QTGAL: variants seen among roughly 807,000 people sequenced by gnomAD.
QTGAL encodes queuosine-tRNA galactosyltransferase.
chr17:83,050,020 A>G, the QTGAL span, among the ~76,000 whole-genome samples: 1 of 152,210 alleles, frequency 6.6e-6, no homozygotes, highest in Non-Finnish European at 1.5e-5. Context: ...AATTTAGTCA[A>G]GTTCTTTACA....
the QTGAL span, among the ~76,000 whole-genome samples, chr17:82,965,004 C>G: frequency 6.6e-4 from 93 of 140,656 alleles, no homozygotes; most frequent in East Asian, 0.02. Context: ...ACAGGGAGGA[C>G]GGGGACATGG....
chr17:83,030,814 G>C, the QTGAL span: 1 of 152,256 alleles, frequency 6.6e-6, no homozygotes, highest in Non-Finnish European at 1.5e-5. Flanking sequence ...GTGGCTTCCT[G>C]TGCACGTGGA....
the QTGAL span, among the ~76,000 whole-genome samples, chr17:83,043,863 A>G: frequency 2.6e-5 from 4 of 152,204 alleles, no homozygotes; most frequent in Non-Finnish European, 4.4e-5. Flanking sequence ...TGTGAAAAAC[A>G]ACATATGCCA....
At chr17:82,957,307 G>A in the QTGAL span, 2 of 1,614,024 alleles carry the variant, frequency 1.2e-6, no homozygotes, top group Non-Finnish European at 1.7e-6. Context: ...CCTGTGCTGT[G>A]GGACAGTACG....
chr17:83,028,679 G>T, the QTGAL span, among the ~76,000 whole-genome samples: 2 of 152,192 alleles, frequency 1.3e-5, no homozygotes, highest in Non-Finnish European at 2.9e-5. Flanking sequence ...CTGCTGACGG[G>T]AAGGCAGAAC....
At chr17:83,015,698 C>T in the QTGAL span, among the ~76,000 whole-genome samples, 150 of 152,354 alleles carry the variant, frequency 9.8e-4, no homozygotes, top group Middle Eastern at 3.4e-3. This position sits in a 1 kb window ranked among gnomAD's most constrained non-coding sequence, Gnocchi z 4.4. Context: ...GCGAGCGTCA[C>T]GGCCTGAGCT....
the QTGAL span, chr17:82,942,874 C>T: frequency 3.7e-6 from 1 of 269,412 alleles, no homozygotes; most frequent in East Asian, 1.0e-4. Context: ...CAGGCAGTGC[C>T]CCACCCAGTC....
the QTGAL span, among the ~76,000 whole-genome samples, chr17:83,026,083 G>C: frequency 2.9e-4 from 44 of 152,192 alleles, no homozygotes; most frequent in Non-Finnish European, 4.4e-4. Context: ...AACCCACATG[G>C]CCAAGAACAG....
the QTGAL span, among the ~76,000 whole-genome samples, chr17:82,968,089 G>A: frequency 1.5e-4 from 23 of 152,312 alleles, no homozygotes; most frequent in African/African-American, 3.6e-4. Flanking sequence ...GCAGCCAGCC[G>A]TTCCAGTCCT....
chr17:82,949,434 T>C, the QTGAL span: 2 of 152,214 alleles, frequency 1.3e-5, no homozygotes, highest in African/African-American at 2.4e-5. Flanking sequence ...TTCTCTTTAC[T>C]CTTCCAGCTA....
chr17:82,970,262 G>A, the QTGAL span, among the ~76,000 whole-genome samples: 2 of 152,194 alleles, frequency 1.3e-5, no homozygotes, highest in Non-Finnish European at 2.9e-5. Context: ...AATACCCCAC[G>A]GGCCCCGAGG....
the QTGAL span, chr17:83,035,071 G>C: frequency 6.2e-7 from 1 of 1,612,870 alleles, no homozygotes; most frequent in Non-Finnish European, 8.5e-7. Flanking sequence ...CTGAGCTCTG[G>C]GCAACTGCTT....
chr17:83,048,500 C>T, the QTGAL span: 18 of 1,613,442 alleles, frequency 1.1e-5, no homozygotes, highest in Non-Finnish European at 1.4e-5. Flanking sequence ...ATCGTGCCCC[C>T]CAATGATCAC....
chr17:82,947,341 C>T, the QTGAL span: 1 of 267,338 alleles, frequency 3.7e-6, no homozygotes, highest in Non-Finnish European at 7.1e-6. Context: ...ACACCCACCC[C>T]TCTGCACAGG....
chr17:83,037,401 C>T, the QTGAL span, among the ~76,000 whole-genome samples: 2 of 152,234 alleles, frequency 1.3e-5, no homozygotes, highest in African/African-American at 4.8e-5. The surrounding 1 kb of genome is among the most constrained non-coding windows in gnomAD (Gnocchi z 5.2). Context: ...TACCAGGTAG[C>T]AGTTTAATTT....
At chr17:82,961,685 G>C in the QTGAL span, among the ~76,000 whole-genome samples, 1 of 152,234 alleles carries the variant, frequency 6.6e-6, no homozygotes, top group African/African-American at 2.4e-5. Flanking sequence ...AGGCAGCCCC[G>C]GGCCTGTGCC....
chr17:82,993,092 A>G, the QTGAL span, among the ~76,000 whole-genome samples: 4 of 152,124 alleles, frequency 2.6e-5, no homozygotes, highest in African/African-American at 7.2e-5. Context: ...AAAACAAATA[A>G]CAAAATGGCA....
the QTGAL span, among the ~76,000 whole-genome samples, chr17:82,986,763 A>C: frequency 6.6e-6 from 1 of 152,250 alleles, no homozygotes; most frequent in Non-Finnish European, 1.5e-5. Context: ...GCAGATCAAA[A>C]TTACATTTTC....
chr17:83,047,701 G>A, the QTGAL span, among the ~76,000 whole-genome samples: 138 of 136,722 alleles, frequency 1.0e-3, 1 homozygote, highest in African/African-American at 4.1e-3. Flanking sequence ...AAGAAATTTA[G>A]GTCTATAATA....
Sources: gnomAD v4.1 joint callset for allele counts (sites outside exome capture counted in the v4.1 genomes callset) on GRCh38, gnomAD v4.1.1 for gene constraint, Gnocchi (gnomAD v3.1) non-coding constraint, MANE v1.5 for transcripts, NCBI Gene and HGNC (gene_info 2026-07-23, HGNC 2026-07-21) for gene names.